NUBPL: variants seen among roughly 807,000 people sequenced by gnomAD.
The protein encoded by NUBPL is NUBP iron-sulfur cluster assembly factor, mitochondrial, also known as iron-sulfur cluster transfer protein NUBPL.
In NUBPL, 31 loss-of-function variants were observed where a neutral mutation model predicts 45.7. The observed-to-expected ratio is 0.68, with a 90% CI of 0.51 to 0.92. The LOEUF is 0.92. NUBPL is among the 40% of genes least tolerant of loss of function. NUBPL has a pLI of 0.00. For missense variants in NUBPL, 401 were observed against 398.7 expected (o/e 1.01, Z -0.05); for synonymous variants, 144 against 140.9 (o/e 1.02, Z -0.15).
intron 6 of NUBPL, among the ~76,000 whole-genome samples, chr14:31,735,176 T>C (rs894149801): frequency 6.6e-6 from 1 of 152,056 alleles, no homozygotes; most frequent in South Asian, 2.1e-4. Flanking sequence ...AATTGCAACC[T>C]AGATGGCAAC....
rs112303062 is a variant in NUBPL at position 31,706,824 on chromosome 14, A to G, written c.513+33250A>G. 6.8e-4 allele frequency among the ~76,000 whole-genome samples: 103 copies of G among 152,248 alleles called. 1 individual carries two copies. The highest frequency in any genetic ancestry group is 2.2e-3 in the African/African-American group (91 of 41,538). Reference sequence around the variant, plus strand: ...ATGTTACACTGTTAATTTTTAGTAAACCTTACTTTAGTTGAAAACCTTGTA... The same window carrying G: ...ATGTTACACTGTTAATTTTTAGTAAGCCTTACTTTAGTTGAAAACCTTGTA... On this transcript the variant is annotated intron_variant, in intron 6 of 10. Transcript: ENST00000281081.
At chr14:31,642,940 A>G (rs1392873535) in intron 4 of NUBPL, among the ~76,000 whole-genome samples, 1 of 151,732 alleles carries the variant, frequency 6.6e-6, no homozygotes, top group Non-Finnish European at 1.5e-5. Context: ...TGCTTTCTTG[A>G]TTTCTTTTTT....
intron 6 of NUBPL, among the ~76,000 whole-genome samples, chr14:31,694,145 G>T (rs561198347): frequency 6.6e-6 from 1 of 152,002 alleles, no homozygotes; most frequent in Non-Finnish European, 1.5e-5. Flanking sequence ...GTGAGCCACC[G>T]TGCCTGGCCA....
At chr14:31,652,002 A>T (rs1468332532) in intron 4 of NUBPL, among the ~76,000 whole-genome samples, 10 of 152,198 alleles carry the variant, frequency 6.6e-5, no homozygotes, top group Admixed American at 6.5e-4. Flanking sequence ...AAAAATGCTC[A>T]ACATCACTAA....
In NUBPL at chr14:31,787,811, T is replaced by C. The variant is rs61752327; in HGVS notation, c.545T>C (p.Val182Ala). Residue 182 changes from valine (V) to alanine (A), a missense_variant, in exon 7 of 11, where the codon GTA (valine) becomes GCA (alanine). Transcript: ENST00000281081. ...VDWGQLDYLVVDMPPGTGDVQ... is the reference protein window; with the variant it reads ...VDWGQLDYLVADMPPGTGDVQ... ...TGGGGTCAACTGGACTACTTAGTTG[T>C]AGACATGCCACCAGGAACTGGAGAT... The C allele has an allele frequency of 2.8e-3, 4,450 of 1,612,978 alleles. 10 individuals are homozygous for C. The highest frequency in any genetic ancestry group is 3.3e-3 in the Non-Finnish European group (3,832 of 1,178,980).
At chr14:31,744,820 C>T (rs1264736272) in intron 6 of NUBPL, among the ~76,000 whole-genome samples, 2 of 151,702 alleles carry the variant, frequency 1.3e-5, no homozygotes, top group Non-Finnish European at 2.9e-5. Flanking sequence ...CAGGGTTTCA[C>T]CATGTTGGTC....
At chr14:31,643,723 G>A (rs1024224837) in intron 4 of NUBPL, among the ~76,000 whole-genome samples, 9 of 151,976 alleles carry the variant, frequency 5.9e-5, no homozygotes, top group Admixed American at 4.6e-4. Flanking sequence ...AATAGAATTG[G>A]CATTACTTCT....
intron 6 of NUBPL, among the ~76,000 whole-genome samples, chr14:31,707,482 T>G (rs1384268688): frequency 6.6e-6 from 1 of 152,250 alleles, no homozygotes; most frequent in East Asian, 1.9e-4. Flanking sequence ...TCTTTGTACT[T>G]CTTTCTTTGA....
chr14:31,685,025 TA>T (rs1306104505), intron 6 of NUBPL, among the ~76,000 whole-genome samples: 1 of 152,212 alleles, frequency 6.6e-6, no homozygotes, highest in Non-Finnish European at 1.5e-5. Flanking sequence ...TCATGAAGAT[TA>T]AAGGTTTGGA....
At chr14:31,705,711 A>C (rs940596290) in intron 6 of NUBPL, among the ~76,000 whole-genome samples, 6 of 151,996 alleles carry the variant, frequency 3.9e-5, no homozygotes, top group Non-Finnish European at 5.9e-5. Context: ...GTGCATTTAC[A>C]AACCTTTAGC....
At chr14:31,666,250 TATATA>T (rs1566487075) in intron 4 of NUBPL, among the ~76,000 whole-genome samples, 2 of 95,972 alleles carry the variant, frequency 2.1e-5, no homozygotes, top group East Asian at 3.2e-4. Context: ...TATATATATA[TATATA>T]TATATATAAT....
At chr14:31,747,913 T>C (rs1377227526) in intron 6 of NUBPL, among the ~76,000 whole-genome samples, 7 of 152,200 alleles carry the variant, frequency 4.6e-5, no homozygotes, top group Non-Finnish European at 8.8e-5. Flanking sequence ...GAAATCTTTC[T>C]ACTTTTTTTA....
intron 9 of NUBPL, among the ~76,000 whole-genome samples, chr14:31,847,904 C>A (rs1003835557): frequency 4.6e-5 from 7 of 152,076 alleles, no homozygotes; most frequent in African/African-American, 1.7e-4. Context: ...GTTCAATTTT[C>A]CAAATCTGCA....
chr14:31,561,842 T>A (rs1595276664), intron 1 of NUBPL: 1 of 602,476 alleles, frequency 1.7e-6, no homozygotes, highest in East Asian at 2.8e-5. Context: ...GCAGCGTTTT[T>A]ACATTTTTAA....
chr14:31,592,978 G>A (rs913287108), intron 3 of NUBPL, among the ~76,000 whole-genome samples: 1 of 152,092 alleles, frequency 6.6e-6, no homozygotes, highest in Non-Finnish European at 1.5e-5. Flanking sequence ...AAATACATTT[G>A]CACTCCATAT....
chr14:31,640,587 C>T (rs1014952730), intron 4 of NUBPL, among the ~76,000 whole-genome samples: 77 of 146,908 alleles, frequency 5.2e-4, no homozygotes, highest in Admixed American at 6.8e-4. Context: ...TGCACTCCAG[C>T]CTGGGCGACA....
chr14:31,855,334 A>G (rs1182180989), intron 10 of NUBPL, among the ~76,000 whole-genome samples: 1 of 152,234 alleles, frequency 6.6e-6, no homozygotes, highest in Non-Finnish European at 1.5e-5. Flanking sequence ...TAACTACAGC[A>G]GAGAAGAACC....
At chr14:31,775,130 A>G (rs1353703151) in intron 6 of NUBPL, among the ~76,000 whole-genome samples, 1 of 152,152 alleles carries the variant, frequency 6.6e-6, no homozygotes, top group African/African-American at 2.4e-5. Flanking sequence ...ATTTGGATCC[A>G]AAAGTGGCTG....
chr14:31,764,120 A>G (rs1235836331), intron 6 of NUBPL, among the ~76,000 whole-genome samples: 1 of 152,186 alleles, frequency 6.6e-6, no homozygotes, highest in African/African-American at 2.4e-5. Flanking sequence ...ATTTCATGGC[A>G]TGGCTTACAC....
Sources: gnomAD v4.1 joint callset for allele counts (sites outside exome capture counted in the v4.1 genomes callset) on GRCh38, gnomAD v4.1.1 for gene constraint, MANE v1.5 for transcripts, NCBI Gene and HGNC (gene_info 2026-07-23, HGNC 2026-07-21) for gene names.